Variants in CCDC60 observed in about 807,000 individuals in gnomAD.
The protein encoded by CCDC60 is coiled-coil domain containing 60.
CCDC60 carries 54 observed loss-of-function variants against 63.5 expected under a neutral mutation model. That is an observed-to-expected ratio of 0.85 (90% CI 0.68 to 1.07). CCDC60 has a LOEUF of 1.07. CCDC60 is among the 50% of genes least tolerant of loss of function. The probability of loss-of-function intolerance (pLI) is 0.00; values close to 1 mark genes in which losing one functional copy is unlikely to be tolerated. For synonymous variants in CCDC60, 206 were observed against 238.8 expected (o/e 0.86, Z 1.27); for missense variants, 651 against 684.3 (o/e 0.95, Z 0.54).
intron 2 of CCDC60, among the ~76,000 whole-genome samples, chr12:119,454,579 C>T (rs1393464853): frequency 3.3e-5 from 5 of 152,202 alleles, no homozygotes; most frequent in Non-Finnish European, 7.3e-5. Context: ...ATTATCTAAA[C>T]CAGCCTCTCC....
At chr12:119,501,848 C>T (rs1951860919) in intron 6 of CCDC60, among the ~76,000 whole-genome samples, 1 of 152,190 alleles carries the variant, frequency 6.6e-6, no homozygotes, top group Admixed American at 6.5e-5. Context: ...GCACGTTCCA[C>T]TCTGGGCATG....
intron 9 of CCDC60, 112 bp from the exon 10 acceptor site, chr12:119,522,827 C>A: frequency 1.1e-6 from 1 of 918,120 alleles, no homozygotes; most frequent in Non-Finnish European, 1.8e-6. Context: ...TTGATTAGAA[C>A]CACCTCCCAT....
At chr12:119,389,123 C>T (rs994011231) in intron 1 of CCDC60, among the ~76,000 whole-genome samples, 1 of 152,146 alleles carries the variant, frequency 6.6e-6, no homozygotes, top group Non-Finnish European at 1.5e-5. Context: ...TGGGGCAGTT[C>T]AGAAGGGACA....
At position 119,531,061 on chromosome 12, in the gene CCDC60, G is replaced by C. The variant is rs201822827; in HGVS notation, c.1549G>C (p.Glu517Gln). Residue 517 changes from glutamate to glutamine, a missense_variant and splice_region_variant, in exon 13 of 14, where the codon GAG (glutamate) becomes CAG (glutamine). Glu to Gln is a conservative substitution (Grantham distance 29, BLOSUM62 2). Coordinates refer to ENST00000327554, the MANE Select transcript of CCDC60 (RefSeq NM_178499.5). ...LCSPDIAVAI[E>Q]FVREHIIHMP... ...CTCCCCTGACATCGCTGTGGCTATT[G>C]AGGTAAACACCACCTCCTTCCCCTC... 68 of 1,613,322 alleles carry C rather than the reference G, an allele frequency of 4.2e-5. No homozygotes were observed. The Admixed American group carries it at 8.2e-4, about 19-fold the overall frequency.
intron 1 of CCDC60, among the ~76,000 whole-genome samples, chr12:119,409,432 C>T (rs958321071): frequency 5.9e-5 from 9 of 152,118 alleles, no homozygotes; most frequent in African/African-American, 2.2e-4. Flanking sequence ...ACTTCTGTAA[C>T]ACCTTGGGAA....
intron 7 of CCDC60, among the ~76,000 whole-genome samples, chr12:119,507,575 TATACACATATATATACATATATATATA>T (rs1952066391): frequency 1.0e-4 from 4 of 38,888 alleles, no homozygotes; most frequent in African/African-American, 2.4e-4. Context: ...TATATGTATA[TATACACATATATATACATATATATATA>T]TATATATATA....
At chr12:119,363,130 G>C (rs1955807826) in intron 1 of CCDC60, among the ~76,000 whole-genome samples, 2 of 152,080 alleles carry the variant, frequency 1.3e-5, no homozygotes, top group South Asian at 4.1e-4. Context: ...GAAATTGGCA[G>C]GATTCCAGCA....
chr12:119,467,788 G>T (rs1050838077), intron 2 of CCDC60, among the ~76,000 whole-genome samples: 1 of 152,210 alleles, frequency 6.6e-6, no homozygotes, highest in African/African-American at 2.4e-5. Flanking sequence ...TGCTTTGTTT[G>T]TGCTACACAG....
intron 2 of CCDC60, among the ~76,000 whole-genome samples, chr12:119,431,065 C>T (rs960737988): frequency 6.6e-6 from 1 of 152,180 alleles, no homozygotes; most frequent in Non-Finnish European, 1.5e-5. Flanking sequence ...ACATACTGGC[C>T]TCTCTGTAAC....
intron 1 of CCDC60, among the ~76,000 whole-genome samples, chr12:119,341,883 C>G (rs1955536555): frequency 6.6e-6 from 1 of 152,104 alleles, no homozygotes; most frequent in African/African-American, 2.4e-5. Flanking sequence ...AGGGGGTGCT[C>G]CTGAGCATGG....
intron 1 of CCDC60, among the ~76,000 whole-genome samples, chr12:119,394,670 T>A (rs904207681): frequency 6.6e-6 from 1 of 152,218 alleles, no homozygotes; most frequent in African/African-American, 2.4e-5. Flanking sequence ...AAATTGAATA[T>A]CTTTGTCCTT....
chr12:119,504,463 T>C (rs1191794891), intron 6 of CCDC60, among the ~76,000 whole-genome samples: 2 of 152,186 alleles, frequency 1.3e-5, no homozygotes, highest in African/African-American at 4.8e-5. Context: ...ACTACAACCG[T>C]GGCTCCTCCC....
intron 7 of CCDC60, among the ~76,000 whole-genome samples, chr12:119,508,915 T>C (rs1472612755): frequency 6.6e-6 from 1 of 152,088 alleles, no homozygotes; most frequent in Admixed American, 6.5e-5. Flanking sequence ...CCCACCCCAG[T>C]CCCAGAGCTT....
chr12:119,380,390 T>C (rs982301369), intron 1 of CCDC60, among the ~76,000 whole-genome samples: 1 of 152,214 alleles, frequency 6.6e-6, no homozygotes, highest in African/African-American at 2.4e-5. Flanking sequence ...CCTTTCCTTC[T>C]CCCCTGGAGA....
intron 4 of CCDC60, among the ~76,000 whole-genome samples, chr12:119,485,625 G>A (rs760077056): frequency 5.9e-5 from 9 of 152,112 alleles, no homozygotes; most frequent in South Asian, 2.1e-4. Context: ...CTCTTTAGGC[G>A]TCCAAATCTC....
rs142548905 is a variant in CCDC60, at chr12:119,387,099, C to G, written c.91-41584C>G. ...ACTCTCCAATTAAAATGTTTCAGCT[C>G]TTCCACTTTCCAAACCCAGTCCTCA... On this transcript the variant is annotated intron_variant, in intron 1 of 13. Coordinates refer to ENST00000327554, the MANE Select transcript of CCDC60 (RefSeq NM_178499.5). Among the ~76,000 whole-genome samples, 1,117 of 149,256 alleles carry G rather than the reference C, an allele frequency of 7.5e-3. 12 individuals are homozygous for G. Among genetic ancestry groups the G allele is most frequent in the African/African-American group, 0.026 (1,057 of 40,586 alleles).
chr12:119,479,972 G>A (rs546254306), intron 4 of CCDC60, among the ~76,000 whole-genome samples: 14 of 147,320 alleles, frequency 9.5e-5, no homozygotes, highest in Non-Finnish European at 1.3e-4. Context: ...GAGCAAAAGT[G>A]CATGAGCCCC....
At chr12:119,505,528 G>T (rs1951975589) in intron 7 of CCDC60, among the ~76,000 whole-genome samples, 4 of 152,252 alleles carry the variant, frequency 2.6e-5, no homozygotes, top group Admixed American at 2.6e-4. Flanking sequence ...GAGACAGCCT[G>T]TGGTCACCAA....
At chr12:119,522,781 G>T (rs181551902) in intron 9 of CCDC60, among the ~76,000 whole-genome samples, 158 bp from the exon 10 acceptor site, 54 of 152,282 alleles carry the variant, frequency 3.5e-4, no homozygotes, top group African/African-American at 1.3e-3. Flanking sequence ...AGGCCAAGAG[G>T]TGGGAAGAAA....
Sources: allele counts gnomAD v4.1 joint callset (sites outside exome capture counted in the v4.1 genomes callset), GRCh38; gene constraint gnomAD v4.1.1; transcripts MANE v1.5; gene names NCBI Gene and HGNC (gene_info 2026-07-23, HGNC 2026-07-21).